The following CSMD3 variants were observed in gnomAD, a reference collection of about 807,000 sequenced individuals.
CSMD3 encodes the protein CUB and Sushi multiple domains 3.
CSMD3 carries 177 observed loss-of-function variants against 435.2 expected under a neutral mutation model. That is an observed-to-expected ratio of 0.41 (90% CI 0.36 to 0.46). The LOEUF is 0.46. Among genes scored for constraint, CSMD3 ranks in the 20% least tolerant of loss-of-function variants. The pLI, the probability that CSMD3 is intolerant of heterozygous loss-of-function variation, is 0.34. For missense variants in CSMD3, 4,265 were observed against 4,504.6 expected, an observed-to-expected ratio of 0.95 and a Z score of 1.52; for synonymous variants, 1,656 against 1,520.5, an observed-to-expected ratio of 1.09 and a Z score of -2.07.
chr8:112,606,809 C>A (rs1234687457), intron 22 of CSMD3, among the ~76,000 whole-genome samples: 2 of 151,232 alleles, frequency 1.3e-5, no homozygotes, highest in African/African-American at 4.9e-5. Context: ...AAGAAGAAAT[C>A]AAAAGGAAAA....
At chr8:112,418,497 A>G (rs1471351069) in intron 32 of CSMD3, among the ~76,000 whole-genome samples, 1 of 152,098 alleles carries the variant, frequency 6.6e-6, no homozygotes, top group Non-Finnish European at 1.5e-5. Flanking sequence ...ATAGCTACAA[A>G]TTTGCATTTT....
rs75493386 is a variant in CSMD3 at position 113,247,052 on chromosome 8, T to C, written c.514+31540A>G. On this transcript the variant is annotated intron_variant, in intron 3 of 70. Coordinates refer to ENST00000297405, the MANE Select transcript of CSMD3 (RefSeq NM_198123.2). Reference sequence around the variant, plus strand: ...TCTGGGCATGTACACACTTTGCACATGTGTGCACTTTCTTATGTCTGTAGG... The same window carrying C: ...TCTGGGCATGTACACACTTTGCACACGTGTGCACTTTCTTATGTCTGTAGG... 3.5e-4 allele frequency among the ~76,000 whole-genome samples: 53 copies of C among 152,294 alleles called. 2 individuals carry two copies. In the East Asian group the frequency reaches 0.01, roughly 29 times the overall value.
At chr8:113,156,317 A>G (rs1339151657) in intron 4 of CSMD3, among the ~76,000 whole-genome samples, 1 of 152,100 alleles carries the variant, frequency 6.6e-6, no homozygotes, top group Admixed American at 6.6e-5. Flanking sequence ...TACTTCTCTG[A>G]CAGCAGACAT....
At chr8:113,069,109 C>A (rs2088989342) in intron 5 of CSMD3, among the ~76,000 whole-genome samples, 1 of 151,976 alleles carries the variant, frequency 6.6e-6, no homozygotes, top group African/African-American at 2.4e-5. Flanking sequence ...TACCTCCCTG[C>A]CAAAAAAAAC....
chr8:113,078,345 A>C, intron 5 of CSMD3, among the ~76,000 whole-genome samples: 1 of 152,236 alleles, frequency 6.6e-6, no homozygotes, highest in East Asian at 1.9e-4. Context: ...CAGAAAGATT[A>C]AATGTTTTCT....
intron 27 of CSMD3, among the ~76,000 whole-genome samples, chr8:112,529,060 C>A (rs971859183): frequency 6.6e-6 from 1 of 152,074 alleles, no homozygotes; most frequent in Non-Finnish European, 1.5e-5. Flanking sequence ...TGAGCAACAA[C>A]AGCAACCACA....
chr8:113,199,320 A>C (rs1040535042), intron 3 of CSMD3, among the ~76,000 whole-genome samples: 3 of 151,680 alleles, frequency 2.0e-5, no homozygotes, highest in Non-Finnish European at 4.4e-5. Flanking sequence ...AATTATTATC[A>C]GAGTGATATG....
chr8:113,024,308 GTGTGTGTGTGTT>G (rs149282162), intron 5 of CSMD3, among the ~76,000 whole-genome samples: 73,401 of 112,018 alleles, frequency 0.66, 19,083 homozygotes, highest in East Asian at 0.89. Context: ...GTGTGTGTGT[GTGTGTGTGTGTT>G]TGTGTGTGTG....
At chr8:112,336,933 T>G in intron 43 of CSMD3, 104 bp from the exon 44 acceptor site, 1 of 960,506 alleles carries the variant, frequency 1.0e-6, no homozygotes, top group Non-Finnish European at 1.6e-6. Context: ...ATGAAACACA[T>G]TTATGCCTTG....
intron 28 of CSMD3, among the ~76,000 whole-genome samples, chr8:112,513,153 T>C (rs554465607): frequency 6.6e-6 from 1 of 152,342 alleles, no homozygotes; most frequent in South Asian, 2.1e-4. Context: ...CTGTGTTCAC[T>C]AGAGTAGAAT....
chr8:113,153,305 C>T (rs777260888), intron 4 of CSMD3, among the ~76,000 whole-genome samples: 19 of 151,818 alleles, frequency 1.3e-4, no homozygotes, highest in Non-Finnish European at 2.1e-4. Flanking sequence ...ACTTCCTTTT[C>T]AGCCTGAGGC....
rs547600595 is a variant in CSMD3 at position 113,028,883 on chromosome 8, C to T, written c.918-9704G>A. Among the ~76,000 whole-genome samples the T allele has an allele frequency of 7.3e-5, 11 of 151,590 alleles. 1 individual carries two copies. The highest frequency in any genetic ancestry group is 6.3e-4 in the South Asian group (3 of 4,764). On this transcript the variant is annotated intron_variant, in intron 5 of 70. Transcript: ENST00000297405. ...TAGAAGCTGCTGCAAGCTATCCAGA[C>T]GGTCTAGCTAAAATAATTGATGAAG...
At chr8:112,494,964 C>T (rs1393066388) in intron 30 of CSMD3, among the ~76,000 whole-genome samples, 1 of 152,032 alleles carries the variant, frequency 6.6e-6, no homozygotes, top group East Asian at 1.9e-4. Context: ...ACAAAATTTG[C>T]ACTCCATATA....
At chr8:113,276,994 C>G (rs2093576224) in intron 3 of CSMD3, among the ~76,000 whole-genome samples, 1 of 151,956 alleles carries the variant, frequency 6.6e-6, no homozygotes, top group Non-Finnish European at 1.5e-5. Flanking sequence ...TGAAACCTGA[C>G]AGCCAAACCA....
At chr8:112,810,093 C>T (rs150368824) in intron 12 of CSMD3, among the ~76,000 whole-genome samples, 288 of 152,268 alleles carry the variant, frequency 1.9e-3, no homozygotes, top group African/African-American at 6.8e-3. Context: ...TGAGTTCAGT[C>T]TCTCTCCCCT....
chr8:112,740,199 T>A (rs937833723), intron 13 of CSMD3, among the ~76,000 whole-genome samples: 49 of 151,958 alleles, frequency 3.2e-4, no homozygotes, highest in African/African-American at 1.1e-3. Context: ...TAAAAAAAAT[T>A]TTAAAATATT....
intron 1 of CSMD3, among the ~76,000 whole-genome samples, chr8:113,360,584 T>C (rs1383043051): frequency 1.4e-5 from 2 of 138,096 alleles, no homozygotes; most frequent in African/African-American, 3.0e-5. Context: ...TTTTTTTTTT[T>C]TTTTTTTGAG....
At chr8:112,855,339 A>G (rs550938755) in intron 11 of CSMD3, among the ~76,000 whole-genome samples, 70 of 152,240 alleles carry the variant, frequency 4.6e-4, no homozygotes, top group African/African-American at 1.5e-3. Flanking sequence ...CAAAGGACGC[A>G]ATTTCTACTC....
At chr8:113,331,351 T>G (rs1329842148) in intron 1 of CSMD3, among the ~76,000 whole-genome samples, 1 of 151,584 alleles carries the variant, frequency 6.6e-6, no homozygotes, top group Non-Finnish European at 1.5e-5. Flanking sequence ...TGGTGAGTTT[T>G]ACTAAACACA....
Sources: gnomAD v4.1 joint callset for allele counts (sites outside exome capture counted in the v4.1 genomes callset) on GRCh38, gnomAD v4.1.1 for gene constraint, MANE v1.5 for transcripts, NCBI Gene and HGNC (gene_info 2026-07-23, HGNC 2026-07-21) for gene names.